The following FAM228B variants were observed in gnomAD, a reference collection of about 807,000 sequenced individuals.
The protein encoded by FAM228B is protein FAM228B.
Under a neutral mutation model 42.6 loss-of-function variants are expected in FAM228B, and 38 were observed. The ratio of observed to expected loss-of-function variants is 0.89; its 90% CI spans 0.69 to 1.17. The LOEUF is 1.17. Among genes scored for constraint, FAM228B ranks in the 50% most tolerant of loss-of-function variants. The pLI is 0.00. For synonymous variants in FAM228B, 109 were observed against 122.3 expected, an observed-to-expected ratio of 0.89 and a Z score of 0.72; for missense variants, 344 against 367.3, an observed-to-expected ratio of 0.94 and a Z score of 0.52.
intron 5 of FAM228B, among the ~76,000 whole-genome samples, chr2:24,144,105 G>C (rs1013899049): frequency 6.6e-6 from 1 of 152,036 alleles, no homozygotes; most frequent in Admixed American, 6.6e-5. Context: ...TATAATTGTC[G>C]ATAAAACTTT....
At chr2:24,098,881 C>G (rs897823047) in intron 3 of FAM228B, among the ~76,000 whole-genome samples, 1 of 152,182 alleles carries the variant, frequency 6.6e-6, no homozygotes, top group African/African-American at 2.4e-5. Flanking sequence ...CGAAAATCCT[C>G]AATAAAATAC....
intron 2 of FAM228B, chr2:24,085,362 T>C (rs1665210946): frequency 6.6e-6 from 1 of 152,068 alleles, no homozygotes; most frequent in African/African-American, 2.4e-5. Context: ...TACATGAAGG[T>C]TTCTCAATCT....
chr2:24,152,421 T>C (rs902786540), intron 7 of FAM228B, among the ~76,000 whole-genome samples: 1 of 152,236 alleles, frequency 6.6e-6, no homozygotes, highest in Non-Finnish European at 1.5e-5. Flanking sequence ...ATTGAAGAGT[T>C]AGGTAATGTA....
intron 3 of FAM228B, among the ~76,000 whole-genome samples, chr2:24,137,261 A>G (rs114462196): frequency 2.0e-5 from 3 of 152,260 alleles, no homozygotes; most frequent in Non-Finnish European, 4.4e-5. Flanking sequence ...TTGGTGTACA[A>G]GTATCTATTT....
At chr2:24,144,134 A>G (rs1573772881) in intron 5 of FAM228B, among the ~76,000 whole-genome samples, 1 of 152,142 alleles carries the variant, frequency 6.6e-6, no homozygotes, top group Admixed American at 6.5e-5. Context: ...GTTTGTTTCT[A>G]TCTTCAATTT....
intron 2 of FAM228B, among the ~76,000 whole-genome samples, chr2:24,130,932 C>T (rs1299369552): frequency 6.6e-6 from 1 of 152,106 alleles, no homozygotes; most frequent in Non-Finnish European, 1.5e-5. Flanking sequence ...TTGGGTTTTA[C>T]ATTTAAGTCT....
At chr2:24,117,282 G>A (rs543943041) in intron 3 of FAM228B, among the ~76,000 whole-genome samples, 24 of 151,320 alleles carry the variant, frequency 1.6e-4, no homozygotes, top group African/African-American at 5.6e-4. Flanking sequence ...TCCCAAAGTG[G>A]TGGGATTACA....
intron 7 of FAM228B, among the ~76,000 whole-genome samples, chr2:24,161,159 C>T (rs532546477): frequency 6.6e-6 from 1 of 152,234 alleles, no homozygotes; most frequent in South Asian, 2.1e-4. Context: ...AAAACATTCT[C>T]ATACCGCCAG....
intron 1 of FAM228B, chr2:24,079,752 T>C: frequency 9.6e-7 from 1 of 1,041,764 alleles, no homozygotes; most frequent in Non-Finnish European, 1.4e-6. Context: ...AATCTATAGG[T>C]TGGAATTAGA....
At chr2:24,087,777 ATTT>A (rs34256592) in intron 2 of FAM228B, among the ~76,000 whole-genome samples, 14,821 of 127,744 alleles carry the variant, frequency 0.12, 786 homozygotes, top group South Asian at 0.17. Context: ...CACCAGGGTA[ATTT>A]TTTTTTTTTT....
chr2:24,100,740 T>C (rs55816106), intron 3 of FAM228B, among the ~76,000 whole-genome samples: 68,421 of 152,118 alleles, frequency 0.45, 16,100 homozygotes, highest in Admixed American at 0.62. Context: ...AATTATCATT[T>C]GACCCAGCAA....
At chr2:24,140,574 T>A (rs115125839) in intron 5 of FAM228B, among the ~76,000 whole-genome samples, 157 of 152,332 alleles carry the variant, frequency 1.0e-3, no homozygotes, top group African/African-American at 3.7e-3. Flanking sequence ...TTTTTCTAAG[T>A]AAGAAACCTA....
chr2:24,106,757 G>T (rs1449936594), intron 3 of FAM228B, among the ~76,000 whole-genome samples: 1 of 151,730 alleles, frequency 6.6e-6, no homozygotes, highest in East Asian at 1.9e-4. Context: ...CACCAGATCT[G>T]CCTTATGAGC....
chr2:24,141,806 G>T (rs1181497444), intron 5 of FAM228B, among the ~76,000 whole-genome samples: 1 of 152,104 alleles, frequency 6.6e-6, no homozygotes, highest in African/African-American at 2.4e-5. Context: ...GTTTTTGGAG[G>T]TATCCAACCT....
intron 2 of FAM228B, among the ~76,000 whole-genome samples, chr2:24,127,945 G>T (rs1189268520): frequency 3.3e-5 from 5 of 152,060 alleles, no homozygotes; most frequent in Non-Finnish European, 7.4e-5. Flanking sequence ...TTACGGGCAT[G>T]AGTCACTGTG....
chr2:24,156,419 G>A (rs751751669), intron 7 of FAM228B, among the ~76,000 whole-genome samples: 4 of 152,060 alleles, frequency 2.6e-5, no homozygotes, highest in Non-Finnish European at 4.4e-5. Context: ...GATCACCGGA[G>A]GTCAGGAGTT....
At chr2:24,094,057 T>TTA (rs1413307706) in intron 2 of FAM228B, among the ~76,000 whole-genome samples, 56 of 101,428 alleles carry the variant, frequency 5.5e-4, no homozygotes, top group African/African-American at 1.9e-3. Flanking sequence ...TTTTTTTTTT[T>TTA]AAGACAGGGT....
intron 2 of FAM228B, among the ~76,000 whole-genome samples, chr2:24,090,518 C>T (rs1573730449): frequency 6.9e-6 from 1 of 143,980 alleles, no homozygotes; most frequent in African/African-American, 2.6e-5. Context: ...GCTGTGATTG[C>T]ACCACTGCAC....
intron 7 of FAM228B, among the ~76,000 whole-genome samples, chr2:24,152,516 G>GT (rs1053663140): frequency 6.6e-5 from 10 of 152,218 alleles, no homozygotes; most frequent in African/African-American, 2.4e-4. Flanking sequence ...TAATACTGTG[G>GT]TTTTTGCAGA....
Sources: gnomAD v4.1 joint callset for allele counts (sites outside exome capture counted in the v4.1 genomes callset) on GRCh38, gnomAD v4.1.1 for gene constraint, MANE v1.5 for transcripts, NCBI Gene and HGNC (gene_info 2026-07-23, HGNC 2026-07-21) for gene names.